CTNNA3: variants seen among roughly 807,000 people sequenced by gnomAD.
The protein encoded by CTNNA3 is catenin alpha-3.
CTNNA3 carries 76 observed loss-of-function variants against 95.7 expected under a neutral mutation model. The ratio of observed to expected loss-of-function variants is 0.79; its 90% CI spans 0.66 to 0.96. The LOEUF (loss-of-function observed/expected upper bound fraction) is 0.96. Among genes scored for constraint, CTNNA3 ranks in the 40% least tolerant of loss-of-function variants. The pLI, the probability that CTNNA3 is intolerant of heterozygous loss-of-function variation, is 0.00. For synonymous variants in CTNNA3, 431 were observed against 374.4 expected, an observed-to-expected ratio of 1.15 and a Z score of -1.74; for missense variants, 1,191 against 1,089.8, an observed-to-expected ratio of 1.09 and a Z score of -1.31.
At chr10:66,444,838 G>A (rs576534574) in intron 11 of CTNNA3, among the ~76,000 whole-genome samples, 1 of 152,254 alleles carries the variant, frequency 6.6e-6, no homozygotes, top group Admixed American at 6.5e-5. Context: ...AACTTTAAAT[G>A]TAAATGGGCT....
At chr10:65,960,347 AC>A (rs1378579611) in intron 17 of CTNNA3, among the ~76,000 whole-genome samples, 1 of 151,746 alleles carries the variant, frequency 6.6e-6, no homozygotes, top group Admixed American at 6.6e-5. Context: ...CCACGGTGAA[AC>A]CCCGTCTCTA....
chr10:67,441,305 AAGATCTAG>A, intron 5 of CTNNA3, among the ~76,000 whole-genome samples: 1 of 152,038 alleles, frequency 6.6e-6, no homozygotes, highest in African/African-American at 2.4e-5. Flanking sequence ...GCATGCCTTC[AAGATCTAG>A]AAAATAGCCT....
chr10:66,034,160 T>G (rs1005859490), intron 15 of CTNNA3, among the ~76,000 whole-genome samples: 3 of 151,256 alleles, frequency 2.0e-5, no homozygotes, highest in African/African-American at 7.3e-5. Context: ...ATAGTGTGAG[T>G]GAACGTGAAT....
At chr10:66,833,945 G>A (rs1395148994) in intron 7 of CTNNA3, among the ~76,000 whole-genome samples, 1 of 152,114 alleles carries the variant, frequency 6.6e-6, no homozygotes, top group Non-Finnish European at 1.5e-5. Flanking sequence ...CCAGTAAGTA[G>A]GCCTTTACTG....
chr10:66,928,088 G>A, intron 7 of CTNNA3: 1 of 1,614,054 alleles, frequency 6.2e-7, no homozygotes, highest in South Asian at 1.1e-5. Flanking sequence ...AAGCATGAGA[G>A]CAAACCCCCT....
chr10:66,713,741 T>C (rs1848366842), intron 9 of CTNNA3, among the ~76,000 whole-genome samples: 1 of 152,108 alleles, frequency 6.6e-6, no homozygotes, highest in Non-Finnish European at 1.5e-5. Flanking sequence ...AATCAGCATT[T>C]AAAACTCAAG....
At chr10:67,064,635 G>A (rs1461909352) in intron 7 of CTNNA3, among the ~76,000 whole-genome samples, 3 of 152,036 alleles carry the variant, frequency 2.0e-5, no homozygotes, top group East Asian at 3.9e-4. Context: ...ATTCACAGAA[G>A]GCAAAGAAAA....
chr10:66,705,317 C>T (rs1363798576), intron 9 of CTNNA3, among the ~76,000 whole-genome samples: 1 of 151,916 alleles, frequency 6.6e-6, no homozygotes, highest in African/African-American at 2.4e-5. Context: ...CATATATTTA[C>T]TAATTTTTTA....
intron 13 of CTNNA3, among the ~76,000 whole-genome samples, chr10:66,139,607 T>TC (rs1161879431): frequency 6.6e-6 from 1 of 152,056 alleles, no homozygotes; most frequent in African/African-American, 2.4e-5. Context: ...AGGGTTGTGT[T>TC]CCCCCCTTTT....
intron 7 of CTNNA3, among the ~76,000 whole-genome samples, chr10:66,779,307 C>T (rs1409290374): frequency 6.6e-6 from 1 of 151,768 alleles, no homozygotes; most frequent in Non-Finnish European, 1.5e-5. Context: ...TTGTCTCTTA[C>T]TTTTCTTGTT....
chr10:67,593,925 A>T (rs1842860261), intron 3 of CTNNA3, among the ~76,000 whole-genome samples: 1 of 152,120 alleles, frequency 6.6e-6, no homozygotes, highest in South Asian at 2.1e-4. Flanking sequence ...ATTTTGAGGT[A>T]TGTACCTTTG....
chr10:67,641,164 AAAAC>A (rs1401868706), intron 2 of CTNNA3, among the ~76,000 whole-genome samples: 2 of 152,318 alleles, frequency 1.3e-5, no homozygotes, highest in South Asian at 2.1e-4. Context: ...TACAAGAAAA[AAAAC>A]AAACAACCCC....
intron 7 of CTNNA3, among the ~76,000 whole-genome samples, chr10:66,899,489 T>C (rs775370780): frequency 7.2e-5 from 11 of 152,106 alleles, no homozygotes; most frequent in Admixed American, 2.6e-4. Context: ...GTTCATCTCA[T>C]TGGGACTGGT....
intron 7 of CTNNA3, among the ~76,000 whole-genome samples, chr10:66,809,239 A>T (rs1841780294): frequency 6.6e-6 from 1 of 152,218 alleles, no homozygotes; most frequent in Non-Finnish European, 1.5e-5. Context: ...TTAAATACAT[A>T]CATCTATCTG....
At chr10:66,673,095 C>T (rs893548752) in intron 9 of CTNNA3, among the ~76,000 whole-genome samples, 8 of 152,060 alleles carry the variant, frequency 5.3e-5, no homozygotes, top group African/African-American at 1.9e-4. Flanking sequence ...GCATTTACTA[C>T]TGCCAAGGAT....
At chr10:67,506,423 A>G (rs1445859719) in intron 5 of CTNNA3, among the ~76,000 whole-genome samples, 2 of 152,220 alleles carry the variant, frequency 1.3e-5, no homozygotes, top group East Asian at 3.9e-4. Context: ...TAGTTTAGAG[A>G]GCAAAAATAA....
intron 9 of CTNNA3, among the ~76,000 whole-genome samples, chr10:66,701,985 A>C (rs1192854129): frequency 6.6e-6 from 1 of 152,186 alleles, no homozygotes; most frequent in Non-Finnish European, 1.5e-5. Context: ...GCAAGTGTCA[A>C]CATCTCGGCC....
At chr10:66,828,904 T>C (rs539990453) in intron 7 of CTNNA3, among the ~76,000 whole-genome samples, 1 of 152,320 alleles carries the variant, frequency 6.6e-6, no homozygotes, top group East Asian at 1.9e-4. Context: ...ATACTATGAC[T>C]GCACAGCTGT....
intron 10 of CTNNA3, among the ~76,000 whole-genome samples, chr10:66,558,557 A>G (rs977927416): frequency 6.6e-6 from 1 of 152,172 alleles, no homozygotes; most frequent in East Asian, 1.9e-4. Context: ...AAATTCCTAC[A>G]TGGAAATAAA....
Sources: allele counts gnomAD v4.1 joint callset (sites outside exome capture counted in the v4.1 genomes callset), GRCh38; gene constraint gnomAD v4.1.1; transcripts MANE v1.5; gene names NCBI Gene and HGNC (gene_info 2026-07-23, HGNC 2026-07-21).